Variants in SATL1 observed in about 807,000 individuals in gnomAD.
SATL1 encodes spermidine/spermine N(1)-acetyltransferase-like protein 1.
A neutral mutation model predicts 51.8 loss-of-function variants in SATL1; 47 were observed. The ratio of observed to expected loss-of-function variants is 0.91; its 90% CI spans 0.72 to 1.16. The LOEUF is 1.16. Ranked by LOEUF, SATL1 falls within the 50% of genes most tolerant of loss-of-function variation. SATL1 has a pLI of 0.00. For missense variants in SATL1, 520 were observed against 526.4 expected (o/e 0.99, Z 0.12); for synonymous variants, 176 against 182.4 (o/e 0.97, Z 0.28).
At chrX:85,174,622 G>A (rs1057507878) in intron 2 of SATL1, among the ~76,000 whole-genome samples, 3 of 110,937 alleles carry the variant, frequency 2.7e-5, no homozygotes, top group African/African-American at 9.8e-5. Context: ...TGCATCTAGC[G>A]GATAAAACTT....
intron 3 of SATL1, 36 bp downstream of exon 3, chrX:85,107,292 A>G (rs146446228): frequency 0.025 from 28,006 of 1,136,035 alleles, 284 homozygotes; most frequent in Non-Finnish European, 0.029. Flanking sequence ...CCCTACACCA[A>G]TGCCATGAGG....
At chrX:85,149,727 C>T (rs1169453022) in intron 2 of SATL1, among the ~76,000 whole-genome samples, 13 of 109,795 alleles carry the variant, frequency 1.2e-4, no homozygotes, top group African/African-American at 3.4e-4. Context: ...GGGTACACAA[C>T]GAAATGAAGG....
At chrX:85,104,132 T>A (rs1401775343) in intron 3 of SATL1, among the ~76,000 whole-genome samples, 1 of 111,749 alleles carries the variant, frequency 8.9e-6, no homozygotes, top group Non-Finnish European at 1.9e-5. Context: ...ATTAACTATG[T>A]TTATACCTCA....
At chrX:85,103,521 T>C (rs1406611002) in intron 4 of SATL1, among the ~76,000 whole-genome samples, 2 of 111,868 alleles carry the variant, frequency 1.8e-5, no homozygotes, top group African/African-American at 6.5e-5. Flanking sequence ...ACTTTGAAAA[T>C]ATTTTAAATC....
intron 5 of SATL1, among the ~76,000 whole-genome samples, chrX:85,094,558 A>G (rs1436605712): frequency 1.8e-5 from 2 of 111,092 alleles, no homozygotes; most frequent in Non-Finnish European, 3.8e-5. Context: ...AGTCTGGGCA[A>G]CATAGTGACA....
chrX:85,183,555 G>A (rs1326286212), intron 2 of SATL1, among the ~76,000 whole-genome samples: 1 of 110,613 alleles, frequency 9.0e-6, no homozygotes, highest in Non-Finnish European at 1.9e-5. Flanking sequence ...GCTACTTGGG[G>A]TCTTTTGTGC....
intron 2 of SATL1, among the ~76,000 whole-genome samples, chrX:85,146,581 C>A (rs1031473841): frequency 2.7e-5 from 3 of 111,900 alleles, no homozygotes; most frequent in African/African-American, 9.7e-5. Context: ...TTCAAGTATC[C>A]ACTGGGAGTC....
chrX:85,162,491 C>G (rs1373243569), intron 2 of SATL1, among the ~76,000 whole-genome samples: 2 of 111,554 alleles, frequency 1.8e-5, no homozygotes, highest in African/African-American at 3.3e-5. Flanking sequence ...TGAACAGCAA[C>G]AGTTTGACTT....
chrX:85,199,757 A>T (rs1343267976), intron 2 of SATL1, among the ~76,000 whole-genome samples: 1 of 111,619 alleles, frequency 9.0e-6, no homozygotes, highest in Non-Finnish European at 1.9e-5. Context: ...AGAGTGTAGA[A>T]TAAGGTTGCC....
intron 2 of SATL1, chrX:85,211,034 A>G (rs1927911011): frequency 9.0e-6 from 1 of 111,701 alleles, no homozygotes; most frequent in East Asian, 2.8e-4. Flanking sequence ...TGTGGGCATT[A>G]GATGAAACTT....
chrX:85,136,109 A>G (rs1269274000), intron 2 of SATL1, among the ~76,000 whole-genome samples: 1 of 109,909 alleles, frequency 9.1e-6, no homozygotes, highest in African/African-American at 3.3e-5. Context: ...GCAGAGGAAG[A>G]CCCCTGGATT....
intron 1 of SATL1, among the ~76,000 whole-genome samples, chrX:85,226,372 C>A (rs919906037): frequency 3.6e-5 from 4 of 111,308 alleles, no homozygotes; most frequent in African/African-American, 1.3e-4. Context: ...CCTATTTGCA[C>A]CTCATTACCA....
chrX:85,152,996 AT>A (rs2147723219), intron 2 of SATL1, among the ~76,000 whole-genome samples: 1 of 110,222 alleles, frequency 9.1e-6, no homozygotes, highest in African/African-American at 3.3e-5. Context: ...TAAAATAAAA[AT>A]TAAAAAAAAA....
chrX:85,221,918 T>C (rs770373391), intron 2 of SATL1, among the ~76,000 whole-genome samples: 1 of 111,968 alleles, frequency 8.9e-6, no homozygotes, highest in Non-Finnish European at 1.9e-5. Flanking sequence ...GGAATAGACA[T>C]TGAGTGTTCA....
At chrX:85,139,932 ACTAGTAC>A (rs1321274854) in intron 2 of SATL1, among the ~76,000 whole-genome samples, 2 of 111,599 alleles carry the variant, frequency 1.8e-5, no homozygotes, top group African/African-American at 3.2e-5. Context: ...AGCCCATGTA[ACTAGTAC>A]CTAGATCAAG....
intron 2 of SATL1, among the ~76,000 whole-genome samples, chrX:85,160,156 C>T (rs1233023618): frequency 9.2e-6 from 1 of 109,142 alleles, no homozygotes; most frequent in Non-Finnish European, 1.9e-5. Flanking sequence ...TCAAGGTCAT[C>T]AAATAGGAGA....
rs1472802155 is a variant in SATL1 at position 85,180,845 on chromosome X, C to T, written c.-313+43360G>A. Among the ~76,000 whole-genome samples, 57 of 110,690 alleles carry T rather than the reference C, an allele frequency of 5.1e-4. No homozygotes were observed. The Admixed American group carries it at 5.4e-3, about 11-fold the overall frequency. On this transcript the variant is annotated intron_variant, in intron 2 of 7. Transcript: ENST00000644105. Reference sequence around the variant, plus strand: ...GACTTAGCTATTCTACCTTGTCTCACACATTTCAGATTTTGACTTTTTTAT... The same window carrying T: ...GACTTAGCTATTCTACCTTGTCTCATACATTTCAGATTTTGACTTTTTTAT...
At chrX:85,237,786 A>T (rs1304620938) in intron 1 of SATL1, among the ~76,000 whole-genome samples, 1 of 111,531 alleles carries the variant, frequency 9.0e-6, no homozygotes, top group Non-Finnish European at 1.9e-5. Context: ...AATTCACAAA[A>T]TGGGAGAATA....
chrX:85,101,978 G>C (rs1001947878), intron 4 of SATL1, among the ~76,000 whole-genome samples: 1 of 110,248 alleles, frequency 9.1e-6, no homozygotes, highest in African/African-American at 3.3e-5. Context: ...CAAATTTGTA[G>C]AGATAGAAAG....
Sources: gnomAD v4.1 joint callset for allele counts (sites outside exome capture counted in the v4.1 genomes callset) on GRCh38, gnomAD v4.1.1 for gene constraint, MANE v1.5 for transcripts, NCBI Gene and HGNC (gene_info 2026-07-23, HGNC 2026-07-21) for gene names.